Variants in LRRC59 observed in about 807,000 individuals in gnomAD.
LRRC59 encodes leucine-rich repeat-containing protein 59.
In LRRC59, 18 loss-of-function variants were observed where a neutral mutation model predicts 33.5. The observed-to-expected ratio is 0.54, with a 90% CI of 0.37 to 0.80. The LOEUF (loss-of-function observed/expected upper bound fraction) is 0.80, where lower values mean the gene tolerates loss of function less well. Ranked by LOEUF, LRRC59 falls within the 30% of genes least tolerant of loss-of-function variation. The probability of loss-of-function intolerance (pLI) is 0.00; values close to 1 mark genes in which losing one functional copy is unlikely to be tolerated. For missense variants in LRRC59, 330 were observed against 391.9 expected (o/e 0.84, Z 1.33); for synonymous variants, 138 against 160.0 (o/e 0.86, Z 1.04).
intron 4 of LRRC59, among the ~76,000 whole-genome samples, chr17:50,390,149 G>A (rs762618040): frequency 6.0e-5 from 9 of 151,200 alleles, no homozygotes; most frequent in Non-Finnish European, 1.2e-4. Flanking sequence ...TGGACCCAGA[G>A]TTAGGGCTCA....
At position 50,383,125 on chromosome 17, in the gene LRRC59, G is replaced by C; in HGVS notation, c.787C>G (p.Leu263Val). 6.4e-7 allele frequency: 1 copy of C among 1,552,948 alleles called. No homozygotes were observed. Among genetic ancestry groups the C allele is most frequent in the African/African-American group, 1.4e-5 (1 of 73,218 alleles). Residue 263 changes from leucine to valine, a missense_variant, in exon 7 of 7, where the codon CTG becomes GTG. By Grantham distance (32) the Leu-to-Val change is conservative. Coordinates refer to ENST00000225972, the MANE Select transcript of LRRC59 (RefSeq NM_018509.4). ...AGCTCTGTCACCCGACAAGCAACCA[G>C]CCCTCCCGCCACACCAAATAGCAGC... The part of the protein sequence containing the change: ...LLLLFGVAGG[L>V]VACRVTELQQ...
chr17:50,395,731 C>T (rs1237514644), intron 1 of LRRC59, among the ~76,000 whole-genome samples: 2 of 152,030 alleles, frequency 1.3e-5, no homozygotes, highest in Admixed American at 1.3e-4. Context: ...CTGACCAACA[C>T]GGAGAAACCC....
chr17:50,389,633 TACTAC>T (rs1458881898), intron 4 of LRRC59, among the ~76,000 whole-genome samples: 4 of 152,250 alleles, frequency 2.6e-5, no homozygotes, highest in Non-Finnish European at 5.9e-5. Flanking sequence ...GGTCTTGTTT[TACTAC>T]TGCACTTAAC....
chr17:50,385,035 G>C (rs72832487), intron 6 of LRRC59, 83 bp downstream of exon 6: 20,337 of 1,470,920 alleles, frequency 0.014, 269 homozygotes, highest in Middle Eastern at 0.042. Context: ...TTGCAGGCCT[G>C]CTCACCCCAG....
At chr17:50,384,513 C>G (rs547370530) in intron 6 of LRRC59, among the ~76,000 whole-genome samples, 1 of 152,262 alleles carries the variant, frequency 6.6e-6, no homozygotes, top group African/African-American at 2.4e-5. Flanking sequence ...CACCTGTAAT[C>G]CCAGCACTTG....
chr17:50,384,167 GTT>G (rs1049444373), intron 6 of LRRC59, among the ~76,000 whole-genome samples: 1 of 151,898 alleles, frequency 6.6e-6, no homozygotes, highest in African/African-American at 2.4e-5. Flanking sequence ...ACAAAAATGT[GTT>G]TTCTATACAA....
At chr17:50,395,903 A>G (rs1914262569) in intron 1 of LRRC59, 1 of 145,570 alleles carries the variant, frequency 6.9e-6, no homozygotes, top group Non-Finnish European at 1.5e-5. Context: ...CCATCATCCA[A>G]AAAAAAAAAA....
At chr17:50,383,423 G>T (rs374559722) in intron 6 of LRRC59, among the ~76,000 whole-genome samples, 188 bp from the exon 7 acceptor site, 2 of 152,152 alleles carry the variant, frequency 1.3e-5, no homozygotes, top group Non-Finnish European at 2.9e-5. Flanking sequence ...GGATCTGAAG[G>T]GGGTAGATTT....
In LRRC59 at chr17:50,383,076, C is replaced by T; in HGVS notation, c.836G>A (p.Ser279Asn). Residue 279 changes from serine (S) to asparagine (N), a missense_variant, in exon 7 of 7, where the codon AGC (serine) becomes AAC (asparagine). Physicochemically the swap from Ser to Asn is conservative, Grantham distance 46. Coordinates refer to ENST00000225972, the MANE Select transcript of LRRC59 (RefSeq NM_018509.4). ...TELQQQPLCT[S>N]VNTIYDNAVQ... ...CGCATTGTCATAGATGGTGTTCACG[C>T]TGGTGCAGAGGGGCTGCTGCTGCAG... 6.2e-7 allele frequency: 1 copy of T among 1,611,612 alleles called. No individual in the cohort carries two copies. The highest frequency in any genetic ancestry group is 1.3e-5 in the African/African-American group (1 of 75,014).
At chr17:50,385,370 C>T (rs755686388) in intron 5 of LRRC59, 79 bp from the exon 6 acceptor site, 1 of 1,428,010 alleles carries the variant, frequency 7.0e-7, no homozygotes, top group Non-Finnish European at 9.6e-7. Flanking sequence ...ATTAAAAGTA[C>T]AGATTCTGCC....
At chr17:50,388,017 G>A (rs752690864) in intron 5 of LRRC59, 43 bp downstream of exon 5, 2 of 1,592,396 alleles carry the variant, frequency 1.3e-6, no homozygotes, top group South Asian at 1.1e-5. Flanking sequence ...CACTGGCTGG[G>A]ATGAGGACCT....
At chr17:50,388,205 A>C (rs1240571090) in intron 4 of LRRC59, 73 bp from the exon 5 acceptor site, 2 of 1,350,994 alleles carry the variant, frequency 1.5e-6, no homozygotes, top group Non-Finnish European at 2.1e-6. Flanking sequence ...AAAACAGACT[A>C]TTTTCAGGCT....
rs141404405 is a variant in LRRC59, at chr17:50,383,315, G to A, written c.677-80C>T. The A allele has an allele frequency of 2.1e-4, 302 of 1,465,384 alleles. No homozygotes were observed. The African/African-American group carries it at 3.4e-3, about 17-fold the overall frequency. 90.8% of individuals were successfully genotyped at this position (1,465,384 alleles called of 1,614,324 possible). ...ATACTAATCTCTGCTAGTCTCCTCC[G>A]TGCAGATCTACCTACATTCCTTCCT... is the stretch of plus-strand genomic sequence containing the variant. On this transcript the variant is annotated intron_variant, in intron 6 of 6. Transcript: ENST00000225972.
intron 6 of LRRC59, 73 bp downstream of exon 6, chr17:50,385,045 G>C (rs529777325): frequency 6.5e-7 from 1 of 1,531,962 alleles, no homozygotes; most frequent in South Asian, 1.2e-5. Flanking sequence ...GCTCACCCCA[G>C]TTGTCTATGC....
intron 5 of LRRC59, 151 bp from the exon 6 acceptor site, chr17:50,385,442 C>CTACT: frequency 1.1e-6 from 1 of 872,998 alleles, no homozygotes; most frequent in Non-Finnish European, 1.7e-6. Context: ...CATCCTTCTG[C>CTACT]TCCTGGAAGT....
chr17:50,382,753 A>C lies in LRRC59; in HGVS notation c.*235T>G. The C allele has an allele frequency of 1.3e-5, 7 of 546,774 alleles. No homozygotes were observed. Among genetic ancestry groups the C allele is most frequent in the Non-Finnish European group, 3.2e-6 (1 of 309,152 alleles). The allele number at this position is 546,774 out of a possible 1,614,324, so 33.9% of individuals were successfully genotyped here. On this transcript the variant is annotated 3_prime_UTR_variant, in exon 7 of 7. Transcript: ENST00000225972. ...CACCCCCAAGCCTACTCCTTTAGGC[A>C]TGCAGGTAACTGCCCCCCACGCCCC... is the stretch of plus-strand genomic sequence containing the variant.
At chr17:50,390,816 G>A (rs537856586) in intron 4 of LRRC59, among the ~76,000 whole-genome samples, 2 of 152,360 alleles carry the variant, frequency 1.3e-5, no homozygotes, top group South Asian at 2.1e-4. Flanking sequence ...GCCTAAAGGT[G>A]TGCTGCAGCT....
chr17:50,383,122 C>G lies in LRRC59; in HGVS notation c.790G>C (p.Val264Leu), dbSNP rs1256466773. ...LLLFGVAGGL[V>L]ACRVTELQQQ... ...TGCAGCTCTGTCACCCGACAAGCAA[C>G]CAGCCCTCCCGCCACACCAAATAGC... The change falls in exon 7 of 7, where the codon GTT (valine) becomes CTT (leucine). Residue 264 changes from valine to leucine, a missense_variant. Physicochemically the swap from Val to Leu is conservative, Grantham distance 32. Transcript: ENST00000225972. 1.3e-6 allele frequency: 2 copies of G among 1,556,032 alleles called. No homozygotes were observed. Among genetic ancestry groups the G allele is most frequent in the South Asian group, 2.4e-5 (2 of 84,752 alleles).
At chr17:50,391,851 T>C (rs1914151725) in intron 4 of LRRC59, among the ~76,000 whole-genome samples, 2 of 152,206 alleles carry the variant, frequency 1.3e-5, no homozygotes, top group Admixed American at 1.3e-4. Context: ...AGGTCCCGGC[T>C]CCTTAAGAGA....
Sources: allele counts gnomAD v4.1 joint callset (sites outside exome capture counted in the v4.1 genomes callset), GRCh38; gene constraint gnomAD v4.1.1; transcripts MANE v1.5; gene names NCBI Gene and HGNC (gene_info 2026-07-23, HGNC 2026-07-21).